Variants in DENND4A observed in about 807,000 individuals in gnomAD.
The protein encoded by DENND4A is C-myc promoter-binding protein.
In DENND4A, 70 loss-of-function variants were observed where a neutral mutation model predicts 199.3. The observed-to-expected ratio is 0.35, with a 90% CI of 0.29 to 0.43. DENND4A has a LOEUF of 0.43. DENND4A is among the 20% of genes least tolerant of loss of function. DENND4A has a pLI of 1.00. For synonymous variants in DENND4A, 686 were observed against 766.9 expected (o/e 0.89, Z 1.74); for missense variants, 1,723 against 2,255.8 (o/e 0.76, Z 4.78).
rs185365590 is a variant in DENND4A, at chr15:65,783,270, T to C, written c.-102+8740A>G. On this transcript the variant is annotated intron_variant, in intron 1 of 32. Transcript: ENST00000443035. ...TTAACAATTCTAAAAGTGCTGTACA[T>C]GGACGATGGGACTGAACAAATAAGT... 4.5e-3 allele frequency among the ~76,000 whole-genome samples: 681 copies of C among 152,332 alleles called. 9 individuals carry two copies. Among genetic ancestry groups the C allele is most frequent in the South Asian group, 0.041 (198 of 4,828 alleles).
chr15:65,713,304 T>C (rs2075301032), intron 14 of DENND4A, among the ~76,000 whole-genome samples: 1 of 152,236 alleles, frequency 6.6e-6, no homozygotes, highest in East Asian at 1.9e-4. Flanking sequence ...TAGAATATCA[T>C]TTAATATGTG....
chr15:65,709,719 A>AAAATATATATATAT (rs1218030026), intron 14 of DENND4A, among the ~76,000 whole-genome samples: 77 of 51,444 alleles, frequency 1.5e-3, no homozygotes, highest in East Asian at 5.8e-3. Flanking sequence ...AAAAAAAAAA[A>AAAATATATATATAT]ATATATATAT....
intron 9 of DENND4A, 131 bp from the exon 10 acceptor site, chr15:65,729,809 T>TTA: frequency 1.2e-6 from 1 of 803,644 alleles, no homozygotes; most frequent in East Asian, 2.8e-5. Context: ...ACAATTTGTA[T>TTA]TATATATTCA....
At chr15:65,704,873 T>A (rs1379835729) in intron 15 of DENND4A, among the ~76,000 whole-genome samples, 1 of 152,322 alleles carries the variant, frequency 6.6e-6, no homozygotes, top group African/African-American at 2.4e-5. Flanking sequence ...ATTACAGGCA[T>A]AAGCCACCGC....
intron 4 of DENND4A, 38 bp downstream of exon 4, chr15:65,752,341 T>G: frequency 1.8e-6 from 1 of 551,364 alleles, no homozygotes; most frequent in Non-Finnish European, 2.9e-6. Context: ...GCTCTTTTCA[T>G]CAGTGGTTAA....
At chr15:65,763,679 CA>C (rs11357605) in intron 1 of DENND4A, among the ~76,000 whole-genome samples, 24,184 of 87,656 alleles carry the variant, frequency 0.28, 1,794 homozygotes, top group African/African-American at 0.45. Context: ...GACCTTGTCT[CA>C]AAAAAAAAAA....
At chr15:65,761,321 A>C (rs924189042) in intron 2 of DENND4A, 39 bp downstream of exon 2, 4 of 152,246 alleles carry the variant, frequency 2.6e-5, no homozygotes, top group African/African-American at 9.6e-5. Flanking sequence ...GGAAATAGCT[A>C]ACTGAAACAA....
chr15:65,761,672 A>AT (rs978228740), intron 1 of DENND4A, among the ~76,000 whole-genome samples: 1 of 149,810 alleles, frequency 6.7e-6, no homozygotes, highest in Non-Finnish European at 1.5e-5. Flanking sequence ...AGAAAAAAAA[A>AT]GAAAAAACTA....
At chr15:65,685,848 A>G (rs2076758873) in intron 23 of DENND4A, among the ~76,000 whole-genome samples, 1 of 152,170 alleles carries the variant, frequency 6.6e-6, no homozygotes, top group Non-Finnish European at 1.5e-5. Context: ...TAAACATAAG[A>G]GTTTATTTCT....
chr15:65,763,388 A>C (rs1374637257), intron 1 of DENND4A, among the ~76,000 whole-genome samples: 1 of 152,154 alleles, frequency 6.6e-6, no homozygotes, highest in Non-Finnish European at 1.5e-5. Flanking sequence ...GCATAAACTG[A>C]GTCAAGAATT....
At chr15:65,729,280 C>T (rs1567053118) in intron 10 of DENND4A, 33 bp from the exon 11 acceptor site, 2 of 1,549,904 alleles carry the variant, frequency 1.3e-6, no homozygotes, top group African/African-American at 1.4e-5. Context: ...GAGAATTTAG[C>T]TTTTTAACAC....
rs1322277883 is a variant in DENND4A, at chr15:65,720,946, A to ATT, written c.1588+1900_1588+1901dup. On this transcript the variant is annotated intron_variant, in intron 12 of 32. Transcript: ENST00000443035. ...AAAAGTTGAATGGGCTGTTTCATTG[A>ATT]TTATATATATATATATATATATATA... 9.4e-3 allele frequency among the ~76,000 whole-genome samples: 366 copies of ATT among 39,028 alleles called. 13 individuals are homozygous for ATT. Among genetic ancestry groups the ATT allele is most frequent in the African/African-American group, 0.03 (334 of 10,960 alleles). 25.6% of individuals were successfully genotyped at this position (39,028 alleles called of 152,430 possible). A position where few individuals can be genotyped will look rare whatever the true frequency, so the allele number is the denominator to read the frequency against.
intron 14 of DENND4A, among the ~76,000 whole-genome samples, chr15:65,709,926 A>C (rs2075196620): frequency 6.6e-6 from 1 of 151,754 alleles, no homozygotes; most frequent in Non-Finnish European, 1.5e-5. Flanking sequence ...TGAATAGATA[A>C]ATAACATTTT....
chr15:65,792,037 G>T lies in DENND4A; in HGVS notation c.-129C>A, dbSNP rs1237414472. On this transcript the variant is annotated 5_prime_UTR_variant, in exon 1 of 33. Coordinates refer to ENST00000443035, the MANE Select transcript of DENND4A (RefSeq NM_001320835.1). ...CCCAGCTGGCTCCCGTGCGAGCAGC[G>T]GATCGAGCTCGGAGAGCGGCGCCGG... 5 of 152,358 alleles carry T rather than the reference G, an allele frequency of 3.3e-5. No individual in the cohort carries two copies. The highest frequency in any genetic ancestry group is 1.2e-4 in the African/African-American group (5 of 41,460). The allele number at this position is 152,358 out of a possible 1,614,324, so 9.4% of individuals were successfully genotyped here. A position where few individuals can be genotyped will look rare whatever the true frequency, so the allele number is the denominator to read the frequency against.
At chr15:65,748,853 G>A (rs964793656) in intron 4 of DENND4A, among the ~76,000 whole-genome samples, 1 of 151,372 alleles carries the variant, frequency 6.6e-6, no homozygotes, top group African/African-American at 2.4e-5. Flanking sequence ...AGATGTGGTG[G>A]TGCACACCTG....
At chr15:65,779,489 AGTTT>A (rs1026366398) in intron 1 of DENND4A, among the ~76,000 whole-genome samples, 33 of 150,380 alleles carry the variant, frequency 2.2e-4, no homozygotes, top group Admixed American at 6.6e-4. Context: ...GCTGTTTTTT[AGTTT>A]GTTTGTTTGT....
At position 65,717,539 on chromosome 15, in the gene DENND4A, G is replaced by C. The variant is rs558968872; in HGVS notation, c.1807+239C>G. Among the ~76,000 whole-genome samples, 5 of 152,150 alleles carry C rather than the reference G, an allele frequency of 3.3e-5. No individual in the cohort carries two copies. In the East Asian group the frequency reaches 9.6e-4, roughly 29 times the overall value. On this transcript the variant is annotated intron_variant, in intron 13 of 32. Coordinates refer to ENST00000443035, the MANE Select transcript of DENND4A (RefSeq NM_001320835.1). ...ACACATGTGACACAAAAGTGTAGTC[G>C]GTATATGGTTGGGAGGCTCTATACT...
intron 1 of DENND4A, among the ~76,000 whole-genome samples, chr15:65,781,882 G>A (rs529148844): frequency 3.2e-4 from 48 of 152,298 alleles, no homozygotes; most frequent in African/African-American, 1.1e-3. Flanking sequence ...TATGGGACAG[G>A]CAGAGAATAC....
chr15:65,663,660 T>C (rs1463112626), intron 32 of DENND4A, among the ~76,000 whole-genome samples: 2 of 152,190 alleles, frequency 1.3e-5, no homozygotes, highest in Non-Finnish European at 2.9e-5. Flanking sequence ...TGTTGATTCT[T>C]TTTTTATCAG....
Sources: allele counts gnomAD v4.1 joint callset (sites outside exome capture counted in the v4.1 genomes callset), GRCh38; gene constraint gnomAD v4.1.1; transcripts MANE v1.5; gene names NCBI Gene and HGNC (gene_info 2026-07-23, HGNC 2026-07-21).